Variants in SCAMP5 observed in about 807,000 individuals in gnomAD.
The protein encoded by SCAMP5 is secretory carrier-associated membrane protein 5.
In SCAMP5, 7 loss-of-function variants were observed where a neutral mutation model predicts 28.3. The ratio of observed to expected loss-of-function variants is 0.25; its 90% CI spans 0.14 to 0.46. The LOEUF is 0.46. Ranked by LOEUF, SCAMP5 falls within the 20% of genes least tolerant of loss-of-function variation. The pLI is 0.99. For synonymous variants in SCAMP5, 117 were observed against 116.4 expected, an observed-to-expected ratio of 1.00 and a Z score of -0.03; for missense variants, 192 against 312.5, an observed-to-expected ratio of 0.61 and a Z score of 2.91.
rs574515458 is a variant in SCAMP5, at chr15:75,018,346, C to G, written c.396-72C>G. The G allele has an allele frequency of 2.0e-5, 18 of 895,462 alleles. No individual in the cohort carries two copies. The highest frequency in any genetic ancestry group is 3.2e-5 in the Non-Finnish European group (17 of 525,254). 55.5% of individuals were successfully genotyped at this position (895,462 alleles called of 1,614,324 possible). A position where few individuals can be genotyped will look rare whatever the true frequency, so the allele number is the denominator to read the frequency against. On this transcript the variant is annotated intron_variant, in intron 5 of 6. Coordinates refer to ENST00000425597, the MANE Select transcript of SCAMP5 (RefSeq NM_138967.4). This position sits in a 1 kb window ranked among gnomAD's most constrained non-coding sequence, Gnocchi z 5.6. ...TTCCTCCCTGTGGCAATGAGACGGT[C>G]CCTTCCTCTAGCGGGGGGCTCCTGG...
intron 1 of SCAMP5, among the ~76,000 whole-genome samples, chr15:74,998,823 C>G (rs2065676319): frequency 6.6e-6 from 1 of 152,138 alleles, no homozygotes; most frequent in Non-Finnish European, 1.5e-5. Flanking sequence ...GCCCTCTGCT[C>G]TGGTTTCTGC....
chr15:74,999,892 G>A (rs1465349003), intron 1 of SCAMP5, among the ~76,000 whole-genome samples: 1 of 152,074 alleles, frequency 6.6e-6, no homozygotes, highest in Non-Finnish European at 1.5e-5. Context: ...TGACCCAGTC[G>A]ACCAGTCATT....
At chr15:75,000,032 A>C (rs2065689193) in intron 1 of SCAMP5, among the ~76,000 whole-genome samples, 1 of 152,260 alleles carries the variant, frequency 6.6e-6, no homozygotes, top group Non-Finnish European at 1.5e-5. Context: ...GATTCTATAT[A>C]CGTTAAAAAT....
intron 1 of SCAMP5, among the ~76,000 whole-genome samples, chr15:75,008,795 G>A (rs374124146): frequency 6.6e-6 from 1 of 151,974 alleles, no homozygotes; most frequent in Non-Finnish European, 1.5e-5. Context: ...AGTCACCATG[G>A]CTGGCATCTT....
At position 75,018,622 on chromosome 15, in the gene SCAMP5, C is replaced by T. The variant is rs1393182738; in HGVS notation, c.513+87C>T. 3.6e-6 allele frequency: 4 copies of T among 1,118,800 alleles called. No individual in the cohort carries two copies. The highest frequency in any genetic ancestry group is 1.7e-5 in the Admixed American group (1 of 59,012). The allele number at this position is 1,118,800 out of a possible 1,614,324, so 69.3% of individuals were successfully genotyped here. Reference sequence around the variant, plus strand: ...CCCTCCTCCAAGTTGCAAGAGGATCCCGAGGTCTTCCAAGGGACTCACTCT... The same window carrying T: ...CCCTCCTCCAAGTTGCAAGAGGATCTCGAGGTCTTCCAAGGGACTCACTCT... On this transcript the variant is annotated intron_variant, in intron 6 of 6. Coordinates refer to ENST00000425597, the MANE Select transcript of SCAMP5 (RefSeq NM_138967.4). This position sits in a 1 kb window ranked among gnomAD's most constrained non-coding sequence, Gnocchi z 5.6.
At chr15:75,005,230 A>G (rs566494473) in intron 1 of SCAMP5, among the ~76,000 whole-genome samples, 52 of 152,012 alleles carry the variant, frequency 3.4e-4, no homozygotes, top group African/African-American at 9.9e-4. Flanking sequence ...TGGGAGGCCA[A>G]TGCAGGCAGA....
At position 75,012,860 on chromosome 15, in the gene SCAMP5, G is replaced by A. The variant is rs1022743384; in HGVS notation, c.136+55G>A. 4.4e-6 allele frequency: 7 copies of A among 1,587,598 alleles called. No individual in the cohort carries two copies. The African/African-American group carries it at 8.1e-5, about 18-fold the overall frequency. On this transcript the variant is annotated intron_variant, in intron 3 of 6. Coordinates refer to ENST00000425597, the MANE Select transcript of SCAMP5 (RefSeq NM_138967.4). ...GGTGGCTGGAGGAGGCAGGAAGACT[G>A]GGCGTGCTGGGCAGCGGGGTGGGGT...
intron 1 of SCAMP5, among the ~76,000 whole-genome samples, chr15:74,999,403 C>A (rs2065681510): frequency 6.6e-6 from 1 of 152,150 alleles, no homozygotes; most frequent in Non-Finnish European, 1.5e-5. Flanking sequence ...CCATCAGTTC[C>A]CCTTTCTATT....
chr15:75,018,007 G>T lies in SCAMP5; in HGVS notation c.395+36G>T, dbSNP rs1249451942. ...GGGGTGTGGCCTGGGGCTGGCAGGG[G>T]TGGCGTTGTGGGTGTATCTTTTGCT... On this transcript the variant is annotated intron_variant, in intron 5 of 6. Transcript: ENST00000425597. The surrounding 1 kb of genome is among the most constrained non-coding windows in gnomAD (Gnocchi z 5.6). The T allele has an allele frequency of 7.5e-7, 1 of 1,338,318 alleles. No individual in the cohort carries two copies. Among genetic ancestry groups the T allele is most frequent in the Non-Finnish European group, 1.1e-6 (1 of 931,598 alleles). The allele number at this position is 1,338,318 out of a possible 1,614,324, so 82.9% of individuals were successfully genotyped here.
chr15:75,018,856 C>T lies in SCAMP5; in HGVS notation c.581C>T (p.Ala194Val). The T allele has an allele frequency of 6.3e-7, 1 of 1,595,714 alleles. No individual in the cohort carries two copies. Among genetic ancestry groups the T allele is most frequent in the Non-Finnish European group, 8.5e-7 (1 of 1,175,256 alleles). ...SKAQEEWTTG[A>V]WKNPHVQQAA... is the part of the protein sequence containing the mutation. ...GCTCAGGAGGAGTGGACCACAGGGGCCTGGAAGAATCCACATGTGCAGCAG... is the reference window on the plus strand; with the variant it reads ...GCTCAGGAGGAGTGGACCACAGGGGTCTGGAAGAATCCACATGTGCAGCAG... The change falls in exon 7 of 7, where the codon GCC (alanine) becomes GTC (valine). Residue 194 changes from alanine (A) to valine (V), a missense_variant. By Grantham distance (64) the Ala-to-Val change is moderately conservative. Transcript: ENST00000425597. This position sits in a 1 kb window ranked among gnomAD's most constrained non-coding sequence, Gnocchi z 5.6.
At chr15:75,010,852 A>AGG (rs2141444465) in intron 1 of SCAMP5, among the ~76,000 whole-genome samples, 1 of 152,102 alleles carries the variant, frequency 6.6e-6, no homozygotes, top group East Asian at 1.9e-4. Context: ...TCTGCCTAGA[A>AGG]GGCTGTTTTG....
rs1555411685 is a variant in SCAMP5 at position 75,016,830 on chromosome 15, T to TG, written c.293+81_293+82insG. 3.9e-5 allele frequency: 6 copies of TG among 152,132 alleles called. No individual in the cohort carries two copies. The East Asian group carries it at 1.2e-3, about 29-fold the overall frequency. 9.4% of individuals were successfully genotyped at this position (152,132 alleles called of 1,614,324 possible). ...TCTTCTCCATATCTTTTCTCACTTC[T>TG]TTTTTTTTTTTTTTACCCTCCCCCA... On this transcript the variant is annotated intron_variant, in intron 4 of 6. Coordinates refer to ENST00000425597, the MANE Select transcript of SCAMP5 (RefSeq NM_138967.4).
At chr15:75,015,011 G>A (rs1330104766) in intron 3 of SCAMP5, among the ~76,000 whole-genome samples, 2 of 152,148 alleles carry the variant, frequency 1.3e-5, no homozygotes, top group East Asian at 3.8e-4. Flanking sequence ...TGACACGGTG[G>A]TCAGGCCAGG....
chr15:75,005,933 C>T lies in SCAMP5; in HGVS notation c.-48-5859C>T, dbSNP rs1006254836. On this transcript the variant is annotated intron_variant, in intron 1 of 6. Transcript: ENST00000425597. ...TGGAGACAAGGTTTCACCATGTTGG[C>T]CAGGCTGGTCTGGAACTCCTGACCT... Among the ~76,000 whole-genome samples the T allele has an allele frequency of 5.3e-5, 8 of 150,106 alleles. No homozygotes were observed. In the East Asian group the frequency reaches 1.6e-3, roughly 29 times the overall value.
intron 1 of SCAMP5, among the ~76,000 whole-genome samples, chr15:75,005,487 G>T (rs924852043): frequency 6.6e-6 from 1 of 151,866 alleles, no homozygotes; most frequent in African/African-American, 2.4e-5. Context: ...ATTCTGCCAG[G>T]CTTCCCCATT....
rs1374067316 is a variant in SCAMP5 at position 75,018,562 on chromosome 15, G to A, written c.513+27G>A. On this transcript the variant is annotated intron_variant, in intron 6 of 6. Coordinates refer to ENST00000425597, the MANE Select transcript of SCAMP5 (RefSeq NM_138967.4). The surrounding 1 kb of genome is among the most constrained non-coding windows in gnomAD (Gnocchi z 5.6). Reference sequence around the variant, plus strand: ...TACGTGGTCCCCTCAAGGGTGAGAAGGTGGCTTTGGGAAGGGGCCATGTTC... The same window carrying A: ...TACGTGGTCCCCTCAAGGGTGAGAAAGTGGCTTTGGGAAGGGGCCATGTTC... The A allele has an allele frequency of 6.7e-7, 1 of 1,493,420 alleles. No homozygotes were observed. Among genetic ancestry groups the A allele is most frequent in the South Asian group, 1.1e-5 (1 of 88,806 alleles). 92.5% of individuals were successfully genotyped at this position (1,493,420 alleles called of 1,614,324 possible).
At chr15:75,016,861 A>G in intron 4 of SCAMP5, 112 bp downstream of exon 4, 1 of 982,560 alleles carries the variant, frequency 1.0e-6, no homozygotes, top group African/African-American at 1.8e-5. Context: ...CCCCAAACTC[A>G]CTTTCCCTTG....
At chr15:75,005,011 C>T (rs1595882667) in intron 1 of SCAMP5, among the ~76,000 whole-genome samples, 1 of 152,094 alleles carries the variant, frequency 6.6e-6, no homozygotes, top group African/African-American at 2.4e-5. Context: ...CCAGTCTCTA[C>T]TAAAAATACA....
rs1486837575 is a variant in SCAMP5 at position 75,019,140 on chromosome 15, T to A, written c.*157T>A. 1.6e-5 allele frequency: 7 copies of A among 447,144 alleles called. No homozygotes were observed. Among genetic ancestry groups the A allele is most frequent in the Non-Finnish European group, 2.7e-5 (7 of 258,392 alleles). The allele number at this position is 447,144 out of a possible 1,614,324, so 27.7% of individuals were successfully genotyped here. A position where few individuals can be genotyped will look rare whatever the true frequency, so the allele number is the denominator to read the frequency against. ...AGTTATATATATATATATATGTATA[T>A]GTCTGTACCCCAGCCCCCACCTTTC... On this transcript the variant is annotated 3_prime_UTR_variant, in exon 7 of 7. Transcript: ENST00000425597.
Sources: gnomAD v4.1 joint callset for allele counts (sites outside exome capture counted in the v4.1 genomes callset) on GRCh38, gnomAD v4.1.1 for gene constraint, Gnocchi (gnomAD v3.1) non-coding constraint, MANE v1.5 for transcripts, NCBI Gene and HGNC (gene_info 2026-07-23, HGNC 2026-07-21) for gene names.